Variants in HDAC8 observed in about 807,000 individuals in gnomAD.
HDAC8 encodes histone deacetylase 8.
Under a neutral mutation model 32.2 loss-of-function variants are expected in HDAC8, and 1 was observed. The observed-to-expected ratio is 0.03, with a 90% CI of 0.01 to 0.15. The LOEUF (loss-of-function observed/expected upper bound fraction) is 0.15. Ranked by LOEUF, HDAC8 falls within the 10% of genes least tolerant of loss-of-function variation. The probability of loss-of-function intolerance (pLI) is 1.00; values close to 1 mark genes in which losing one functional copy is unlikely to be tolerated. For missense variants in HDAC8, 117 were observed against 300.0 expected, an observed-to-expected ratio of 0.39 and a Z score of 4.51; for synonymous variants, 108 against 113.9, an observed-to-expected ratio of 0.95 and a Z score of 0.33.
intron 4 of HDAC8, among the ~76,000 whole-genome samples, chrX:72,551,013 A>G (rs1220970958): frequency 9.1e-6 from 1 of 109,899 alleles, no homozygotes; most frequent in Non-Finnish European, 1.9e-5. Context: ...TAGCAATTCA[A>G]TGCAAATCTG....
At chrX:72,343,271 T>C (rs1047278019) in intron 10 of HDAC8, among the ~76,000 whole-genome samples, 1 of 109,213 alleles carries the variant, frequency 9.2e-6, no homozygotes, top group Non-Finnish European at 1.9e-5. Context: ...CTGGGCTCAA[T>C]TGATCCTCAC....
chrX:72,486,985 G>T (rs2048696433), intron 7 of HDAC8, among the ~76,000 whole-genome samples: 1 of 111,526 alleles, frequency 9.0e-6, no homozygotes. Flanking sequence ...TGTTATTCTG[G>T]ATGATCACTG....
intron 9 of HDAC8, among the ~76,000 whole-genome samples, chrX:72,451,357 G>T (rs1180682457): frequency 1.8e-5 from 2 of 110,940 alleles, no homozygotes; most frequent in Non-Finnish European, 3.8e-5. Context: ...CCACCACACC[G>T]GGCTTCTTTT....
At chrX:72,471,476 A>G (rs2048174799) in intron 7 of HDAC8, among the ~76,000 whole-genome samples, 1 of 111,949 alleles carries the variant, frequency 8.9e-6, no homozygotes, top group Admixed American at 9.4e-5. Context: ...GAAGGTTCCA[A>G]TTTCTCCACA....
intron 4 of HDAC8, among the ~76,000 whole-genome samples, chrX:72,507,457 C>T (rs2049432235): frequency 9.0e-6 from 1 of 111,696 alleles, no homozygotes; most frequent in Non-Finnish European, 1.9e-5. Flanking sequence ...AAAATCCCCC[C>T]CAACCTTTTG....
chrX:72,382,925 A>AG (rs2045305075), intron 9 of HDAC8, among the ~76,000 whole-genome samples: 1 of 112,152 alleles, frequency 8.9e-6, no homozygotes, highest in Admixed American at 9.4e-5. Flanking sequence ...AAAGCGATTG[A>AG]GTTATTAGAT....
intron 4 of HDAC8, among the ~76,000 whole-genome samples, chrX:72,506,831 C>T (rs1402401690): frequency 2.7e-5 from 3 of 110,797 alleles, no homozygotes; most frequent in African/African-American, 9.9e-5. Context: ...ATTCTTGGCT[C>T]TTTACTATAA....
At chrX:72,542,327 A>G (rs182455245) in intron 4 of HDAC8, among the ~76,000 whole-genome samples, 1 of 112,288 alleles carries the variant, frequency 8.9e-6, no homozygotes, top group Admixed American at 9.5e-5. Context: ...CTGAAAGTGA[A>G]TATACATCAT....
At chrX:72,475,607 G>A (rs1319736850) in intron 7 of HDAC8, among the ~76,000 whole-genome samples, 2 of 111,908 alleles carry the variant, frequency 1.8e-5, no homozygotes, top group African/African-American at 3.2e-5. Context: ...GGATTTGGGA[G>A]GAGGGAGGCT....
At chrX:72,334,233 G>T (rs1159248609) in intron 10 of HDAC8, among the ~76,000 whole-genome samples, 1 of 112,039 alleles carries the variant, frequency 8.9e-6, no homozygotes, top group Non-Finnish European at 1.9e-5. Context: ...ACCACAGCGG[G>T]CAGACTCAAC....
At chrX:72,407,166 A>G (rs2046062500) in intron 9 of HDAC8, among the ~76,000 whole-genome samples, 1 of 112,800 alleles carries the variant, frequency 8.9e-6, no homozygotes, top group South Asian at 3.6e-4. Flanking sequence ...AGAGATGGGT[A>G]GGTTACCCTG....
intron 4 of HDAC8, among the ~76,000 whole-genome samples, chrX:72,558,635 A>C (rs782516747): frequency 1.8e-5 from 2 of 111,777 alleles, no homozygotes; most frequent in Admixed American, 9.4e-5. Context: ...CCAACATTAT[A>C]CTGAACGGGC....
At chrX:72,346,005 A>G (rs1001180182) in intron 10 of HDAC8, among the ~76,000 whole-genome samples, 5 of 111,989 alleles carry the variant, frequency 4.5e-5, no homozygotes, top group Non-Finnish European at 9.4e-5. Flanking sequence ...AATTTTCAGC[A>G]TGACATTTTT....
intron 9 of HDAC8, among the ~76,000 whole-genome samples, chrX:72,352,730 G>T (rs1412264757): frequency 8.9e-6 from 1 of 111,890 alleles, no homozygotes; most frequent in African/African-American, 3.3e-5. Context: ...CAAAATAAAT[G>T]TTTGTGGATT....
chrX:72,438,929 A>G (rs2047036436), intron 9 of HDAC8, among the ~76,000 whole-genome samples: 1 of 111,999 alleles, frequency 8.9e-6, no homozygotes, highest in Admixed American at 9.5e-5. Context: ...ACATAGCAAG[A>G]CAGGCCAACA....
chrX:72,387,772 G>A (rs781797012), intron 9 of HDAC8, among the ~76,000 whole-genome samples: 1 of 111,795 alleles, frequency 8.9e-6, no homozygotes, highest in Non-Finnish European at 1.9e-5. Flanking sequence ...TTGTTTCCAG[G>A]GACTGTGGTA....
intron 4 of HDAC8, among the ~76,000 whole-genome samples, chrX:72,557,773 A>G (rs1027194593): frequency 1.4e-4 from 16 of 111,759 alleles, no homozygotes; most frequent in Admixed American, 1.2e-3. Context: ...AAACAAAAAA[A>G]TACAAAAGAT....
chrX:72,416,416 T>TTG (rs2046339997), intron 9 of HDAC8, among the ~76,000 whole-genome samples: 1 of 71,808 alleles, frequency 1.4e-5, no homozygotes, highest in Non-Finnish European at 2.5e-5. Context: ...CTGTTTTTTT[T>TTG]TTTTTTTTTT....
intron 4 of HDAC8, among the ~76,000 whole-genome samples, chrX:72,558,234 A>G (rs966024909): frequency 3.6e-5 from 4 of 111,945 alleles, no homozygotes; most frequent in Non-Finnish European, 7.5e-5. Flanking sequence ...TCCCTAAATC[A>G]TTCTATGAAG....
Sources: gnomAD v4.1 joint callset for allele counts (sites outside exome capture counted in the v4.1 genomes callset) on GRCh38, gnomAD v4.1.1 for gene constraint, MANE v1.5 for transcripts, NCBI Gene and HGNC (gene_info 2026-07-23, HGNC 2026-07-21) for gene names.